Variants in STPG1 observed in about 807,000 individuals in gnomAD.
STPG1 encodes the protein O(6)-methylguanine-induced apoptosis 2.
STPG1 carries 33 observed loss-of-function variants against 40.1 expected under a neutral mutation model. That is an observed-to-expected ratio of 0.82 (90% CI 0.62 to 1.10). The LOEUF (loss-of-function observed/expected upper bound fraction) is 1.10. Ranked by LOEUF, STPG1 falls within the 50% of genes least tolerant of loss-of-function variation. The probability of loss-of-function intolerance (pLI) is 0.00; values close to 1 mark genes in which losing one functional copy is unlikely to be tolerated. For synonymous variants in STPG1, 150 were observed against 155.0 expected (o/e 0.97, Z 0.24); for missense variants, 396 against 415.1 (o/e 0.95, Z 0.40).
At chr1:24,397,488 G>A (rs913779700) in intron 2 of STPG1, among the ~76,000 whole-genome samples, 21 of 152,014 alleles carry the variant, frequency 1.4e-4, no homozygotes, top group Non-Finnish European at 8.8e-5. Context: ...AAGATCACTA[G>A]AGGTCAGCAG....
chr1:24,413,234 A>C (rs1475181236), intron 1 of STPG1, among the ~76,000 whole-genome samples: 5 of 152,250 alleles, frequency 3.3e-5, no homozygotes, highest in Admixed American at 3.3e-4. Flanking sequence ...TTTATTTTAC[A>C]GATGGGTAAA....
rs1228534457 is a variant in STPG1 at position 24,357,718 on chromosome 1, T to G, written c.*825A>C. 6.0e-6 allele frequency: 1 copy of G among 166,406 alleles called. No individual in the cohort carries two copies. The highest frequency in any genetic ancestry group is 1.4e-5 in the Non-Finnish European group (1 of 74,036). The allele number at this position is 166,406 out of a possible 1,614,324, so 10.3% of individuals were successfully genotyped here. A position where few individuals can be genotyped will look rare whatever the true frequency, so the allele number is the denominator to read the frequency against. On this transcript the variant is annotated 3_prime_UTR_variant, in exon 9 of 9. Coordinates refer to ENST00000337248, the MANE Select transcript of STPG1 (RefSeq NM_001199013.2). The stretch of plus-strand genomic sequence containing the variant: ...GGCAGCTCCCCACCCACCGCGAATC[T>G]GTGCAGCCTCCACCAAAACCACTAG...
rs886748786 is a variant in STPG1, at chr1:24,379,788, A to G, written c.327T>C (p.Pro109=). 1.2e-6 allele frequency: 2 copies of G among 1,614,156 alleles called. No individual in the cohort carries two copies. The highest frequency in any genetic ancestry group is 1.7e-5 in the Admixed American group (1 of 60,030). ...ATGGGATAGTGTATGCATTCGCTGC[A>G]GGGTATTTAGAAATGATGGTGTCCA... ...ARLDTIISKY[P]AANAYTIPSD... The change falls in exon 5 of 9, where the codon CCT becomes CCC. Residue 109 remains proline (P), a synonymous_variant. Coordinates refer to ENST00000337248, the MANE Select transcript of STPG1 (RefSeq NM_001199013.2).
At chr1:24,414,039 C>T (rs1390788705), upstream of STPG1, 1 of 152,150 alleles carries the variant, frequency 6.6e-6, no homozygotes, top group Non-Finnish European at 1.5e-5. Flanking sequence ...AACATTCATC[C>T]AAGCCCTGTT....
intron 4 of STPG1, among the ~76,000 whole-genome samples, chr1:24,382,410 C>T (rs920702515): frequency 7.9e-5 from 12 of 152,144 alleles, no homozygotes; most frequent in African/African-American, 2.2e-4. Context: ...CTCATTGCAA[C>T]GTTAATTTGC....
chr1:24,406,882 T>A (rs1643435093), intron 1 of STPG1, among the ~76,000 whole-genome samples: 1 of 152,228 alleles, frequency 6.6e-6, no homozygotes. Context: ...AACATAAAAA[T>A]TTGCCATCTC....
chr1:24,389,846 G>C (rs1471141196), intron 3 of STPG1, among the ~76,000 whole-genome samples: 1 of 152,204 alleles, frequency 6.6e-6, no homozygotes, highest in East Asian at 1.9e-4. Flanking sequence ...TATTATCTTT[G>C]GAGAAAACCT....
At chr1:24,382,507 C>T (rs12087356) in intron 4 of STPG1, among the ~76,000 whole-genome samples, 3,746 of 152,244 alleles carry the variant, frequency 0.025, 176 homozygotes, top group African/African-American at 0.086. Context: ...GAATCCACAG[C>T]TGAGGCAGGA....
intron 5 of STPG1, among the ~76,000 whole-genome samples, chr1:24,376,384 C>G (rs1318462925): frequency 6.6e-6 from 1 of 152,096 alleles, no homozygotes; most frequent in East Asian, 1.9e-4. Flanking sequence ...CTTCCACTTT[C>G]TAATTAATGG....
chr1:24,412,539 C>A (rs1298519995), intron 1 of STPG1, among the ~76,000 whole-genome samples: 1 of 152,148 alleles, frequency 6.6e-6, no homozygotes, highest in Non-Finnish European at 1.5e-5. Flanking sequence ...AACTCTGAAT[C>A]TTCAGTCTAT....
At position 24,399,382 on chromosome 1, in the gene STPG1, C is replaced by T. The variant is rs184247066; in HGVS notation, c.70+1937G>A. Among the ~76,000 whole-genome samples the T allele has an allele frequency of 5.1e-4, 78 of 152,232 alleles. No individual in the cohort carries two copies. Among genetic ancestry groups the T allele is most frequent in the Non-Finnish European group, 1.1e-3 (74 of 67,992 alleles). Reference sequence around the variant, plus strand: ...CAACATGGAAAACAACAGACTCGGGCATCTTCCTCAATCAAAAACAATTTC... The same window carrying T: ...CAACATGGAAAACAACAGACTCGGGTATCTTCCTCAATCAAAAACAATTTC... On this transcript the variant is annotated intron_variant, in intron 2 of 8. Transcript: ENST00000337248. The surrounding 1 kb of genome is among the most constrained non-coding windows in gnomAD (Gnocchi z 4.0).
At chr1:24,370,412 G>C (rs145609976) in intron 6 of STPG1, among the ~76,000 whole-genome samples, 4 of 149,406 alleles carry the variant, frequency 2.7e-5, no homozygotes, top group African/African-American at 9.9e-5. Flanking sequence ...GCCTTGACCT[G>C]CTGGGCTCAG....
intron 1 of STPG1, among the ~76,000 whole-genome samples, chr1:24,407,598 T>C (rs1486898826): frequency 6.6e-6 from 1 of 151,956 alleles, no homozygotes; most frequent in African/African-American, 2.4e-5. Context: ...CCACCATGCC[T>C]GGCTAATTTT....
At chr1:24,380,010 C>T (rs949880769) in intron 4 of STPG1, among the ~76,000 whole-genome samples, 187 bp from the exon 5 acceptor site, 1 of 152,192 alleles carries the variant, frequency 6.6e-6, no homozygotes, top group African/African-American at 2.4e-5. Flanking sequence ...CAAGTTCAGA[C>T]CTGTACTCGC....
At chr1:24,382,217 A>G (rs1281252777) in intron 4 of STPG1, among the ~76,000 whole-genome samples, 6 of 152,154 alleles carry the variant, frequency 3.9e-5, no homozygotes, top group Admixed American at 6.5e-5. Flanking sequence ...TAGACAACCA[A>G]TCGTGTCCTC....
At chr1:24,371,791 G>A (rs2148687564) in intron 6 of STPG1, among the ~76,000 whole-genome samples, 1 of 152,296 alleles carries the variant, frequency 6.6e-6, no homozygotes, top group South Asian at 2.1e-4. Context: ...AGGCATTTAT[G>A]CTGCCACTAC....
rs1641067510 is a variant in STPG1, at chr1:24,360,918, A to T, written c.861T>A (p.Ser287Arg). Reference sequence around the variant, plus strand: ...GGCTGGTATTGGACACGAATGATGCACTAGAGATGAAATGCTTGCGGGGGC... The same window carrying T: ...GGCTGGTATTGGACACGAATGATGCTCTAGAGATGAAATGCTTGCGGGGGC... Reference protein sequence around the residue: ...YLGPRKHFISSASFVSNTSRW... With the variant: ...YLGPRKHFISRASFVSNTSRW... Residue 287 changes from serine to arginine, a missense_variant, in exon 8 of 9, where the codon AGT (serine) becomes AGA (arginine). Ser to Arg is a moderately radical substitution (Grantham distance 110). Transcript: ENST00000337248. The T allele has an allele frequency of 6.2e-7, 1 of 1,613,866 alleles. No homozygotes were observed. Among genetic ancestry groups the T allele is most frequent in the Non-Finnish European group, 8.5e-7 (1 of 1,179,972 alleles).
Position 24,364,442 on chromosome 1 carries a change from T to C in STPG1, c.738-3401A>G, listed in dbSNP as rs893404112. On this transcript the variant is annotated intron_variant, in intron 7 of 8. Coordinates refer to ENST00000337248, the MANE Select transcript of STPG1 (RefSeq NM_001199013.2). ...CTGAGAGCTCTCAGCTCAGAGTATG[T>C]GGCCCCTGAATACATTCTGGCTATT... is the stretch of plus-strand genomic sequence containing the variant. 2.1e-6 allele frequency: 3 copies of C among 1,453,858 alleles called. No homozygotes were observed. In the African/African-American group the frequency reaches 4.3e-5, roughly 21 times the overall value. The allele number at this position is 1,453,858 out of a possible 1,614,324, so 90.1% of individuals were successfully genotyped here. A position where few individuals can be genotyped will look rare whatever the true frequency, so the allele number is the denominator to read the frequency against.
chr1:24,363,725 G>A (rs1329408837), intron 7 of STPG1, among the ~76,000 whole-genome samples: 1 of 152,120 alleles, frequency 6.6e-6, no homozygotes, highest in Non-Finnish European at 1.5e-5. Context: ...AGAGACAGAG[G>A]GACATTAATT....
Sources: allele counts gnomAD v4.1 joint callset (sites outside exome capture counted in the v4.1 genomes callset), GRCh38; gene constraint gnomAD v4.1.1; non-coding constraint Gnocchi (gnomAD v3.1); transcripts MANE v1.5; gene names NCBI Gene and HGNC (gene_info 2026-07-23, HGNC 2026-07-21).